The following MACROD2 variants were observed in gnomAD, a reference collection of about 807,000 sequenced individuals.
MACROD2 encodes the protein ADP-ribose glycohydrolase MACROD2.
MACROD2 carries 36 observed loss-of-function variants against 70.4 expected under a neutral mutation model. The observed-to-expected ratio is 0.51, with a 90% CI of 0.39 to 0.68. The LOEUF (loss-of-function observed/expected upper bound fraction) is 0.68, where lower values mean the gene tolerates loss of function less well. MACROD2 is among the 30% of genes least tolerant of loss of function. MACROD2 has a pLI of 0.00. For missense variants in MACROD2, 496 were observed against 538.4 expected, an observed-to-expected ratio of 0.92 and a Z score of 0.78; for synonymous variants, 172 against 178.8, an observed-to-expected ratio of 0.96 and a Z score of 0.30.
In MACROD2 at chr20:14,067,123, G is replaced by GTTTTTTTTTTT. The variant is rs544348706; in HGVS notation, c.164-18489_164-18479dup. ...ACTGCACCTGGCCTGATTTTTTAGT[G>GTTTTTTTTTTT]TTTTTTTTTTTTTTTTTTTGAGACA... On this transcript the variant is annotated intron_variant, in intron 2 of 17. Coordinates refer to ENST00000684519, the MANE Select transcript of MACROD2 (RefSeq NM_001351661.2). Among the ~76,000 whole-genome samples the GTTTTTTTTTTT allele has an allele frequency of 5.9e-5, 5 of 85,044 alleles. 1 individual carries two copies. The highest frequency in any genetic ancestry group is 2.9e-4 in the Admixed American group (2 of 6,822). 55.8% of individuals were successfully genotyped at this position (85,044 alleles called of 152,430 possible).
chr20:14,284,286 G>A (rs2082327933), intron 3 of MACROD2, among the ~76,000 whole-genome samples: 1 of 152,094 alleles, frequency 6.6e-6, no homozygotes, highest in Non-Finnish European at 1.5e-5. Context: ...TGCTAAATTT[G>A]TTTAAAAATA....
At chr20:14,990,574 C>T (rs984333255) in intron 5 of MACROD2, among the ~76,000 whole-genome samples, 27 of 144,900 alleles carry the variant, frequency 1.9e-4, no homozygotes, top group Admixed American at 1.6e-3. Flanking sequence ...AGTGCAATGG[C>T]GCGATCTCGA....
chr20:14,714,709 T>C (rs137995572), intron 5 of MACROD2, among the ~76,000 whole-genome samples: 1 of 152,286 alleles, frequency 6.6e-6, no homozygotes, highest in East Asian at 1.9e-4. Context: ...CCTCATTGTC[T>C]TGTCAACTCC....
intron 15 of MACROD2, among the ~76,000 whole-genome samples, chr20:16,018,019 A>AGT (rs1192121882): frequency 6.6e-6 from 1 of 151,836 alleles, no homozygotes; most frequent in African/African-American, 2.4e-5. Flanking sequence ...GTGGTATTCC[A>AGT]TAGATGTTTG....
intron 15 of MACROD2, among the ~76,000 whole-genome samples, chr20:16,001,606 C>T (rs1474071866): frequency 6.6e-6 from 1 of 151,938 alleles, no homozygotes; most frequent in African/African-American, 2.4e-5. Flanking sequence ...TTAAATTGAA[C>T]CTAATTTTAT....
chr20:15,470,345 A>C (rs1483190426), intron 7 of MACROD2, among the ~76,000 whole-genome samples: 1 of 152,184 alleles, frequency 6.6e-6, no homozygotes, highest in East Asian at 1.9e-4. Context: ...CACTGCGCCC[A>C]GCCCTTTCTG....
intron 6 of MACROD2, among the ~76,000 whole-genome samples, chr20:15,305,049 C>T (rs1030741512): frequency 1.3e-5 from 2 of 152,222 alleles, no homozygotes; most frequent in Admixed American, 1.3e-4. Context: ...GCTATAGCCC[C>T]CACCTACATC....
At chr20:15,776,528 G>A (rs954096925) in intron 8 of MACROD2, among the ~76,000 whole-genome samples, 1 of 152,084 alleles carries the variant, frequency 6.6e-6, no homozygotes, top group Non-Finnish European at 1.5e-5. Flanking sequence ...TCATCTTGAC[G>A]ACACTCCAGA....
chr20:15,467,635 T>C (rs776640921), intron 7 of MACROD2, among the ~76,000 whole-genome samples: 11 of 152,214 alleles, frequency 7.2e-5, no homozygotes, highest in African/African-American at 1.4e-4. Context: ...CCACAGTATA[T>C]GGTCTCTTAG....
intron 4 of MACROD2, among the ~76,000 whole-genome samples, chr20:14,600,178 C>T (rs941084825): frequency 2.6e-5 from 4 of 151,930 alleles, no homozygotes; most frequent in East Asian, 1.9e-4. Flanking sequence ...TGTGACTAAT[C>T]GGATGTCAGT....
At chr20:16,012,106 G>C (rs1055334633) in intron 15 of MACROD2, among the ~76,000 whole-genome samples, 3 of 152,202 alleles carry the variant, frequency 2.0e-5, no homozygotes, top group African/African-American at 7.2e-5. Context: ...TGAGACGCCA[G>C]CTTCTCTGAG....
chr20:14,930,863 T>TAAAA (rs11448674), intron 5 of MACROD2, among the ~76,000 whole-genome samples: 2 of 120,358 alleles, frequency 1.7e-5, no homozygotes, highest in African/African-American at 3.3e-5. Context: ...TTTTTTTAAG[T>TAAAA]AAAAAAAAAA....
intron 3 of MACROD2, among the ~76,000 whole-genome samples, chr20:14,389,219 A>G (rs2083500317): frequency 6.6e-6 from 1 of 151,620 alleles, no homozygotes; most frequent in Admixed American, 6.6e-5. Context: ...TTAAAGAGAT[A>G]GAGACCAGCG....
At chr20:14,927,974 C>A (rs2074253730) in intron 5 of MACROD2, among the ~76,000 whole-genome samples, 1 of 152,222 alleles carries the variant, frequency 6.6e-6, no homozygotes, top group African/African-American at 2.4e-5. Flanking sequence ...CAAGGCATGG[C>A]TGAGTCCTCA....
intron 3 of MACROD2, among the ~76,000 whole-genome samples, chr20:14,434,619 T>G (rs2084035407): frequency 6.6e-6 from 1 of 152,170 alleles, no homozygotes; most frequent in Non-Finnish European, 1.5e-5. Context: ...CAGTTCTTCC[T>G]TCTCCTGAAT....
chr20:16,043,058 A>C (rs1358003862), intron 16 of MACROD2, among the ~76,000 whole-genome samples: 3 of 152,074 alleles, frequency 2.0e-5, no homozygotes, highest in African/African-American at 4.8e-5. Context: ...ACTTATTCAA[A>C]GGTAACTATA....
At chr20:15,112,017 C>A (rs982038528) in intron 5 of MACROD2, among the ~76,000 whole-genome samples, 7 of 152,200 alleles carry the variant, frequency 4.6e-5, no homozygotes, top group African/African-American at 1.7e-4. Flanking sequence ...CCAGAGTTCA[C>A]AGGGCCAGGA....
rs186464393 is a variant in MACROD2 at position 14,173,937 on chromosome 20, G to A, written c.271+88209G>A. Among the ~76,000 whole-genome samples, 10 of 152,274 alleles carry A rather than the reference G, an allele frequency of 6.6e-5. No homozygotes were observed. In the East Asian group the frequency reaches 1.9e-3, roughly 29 times the overall value. ...AGCTACGAGGCTCTGGGCTGGTACT[G>A]GGGAGTGTCTGCACAGTGTCCTGTG... On this transcript the variant is annotated intron_variant, in intron 3 of 17. Coordinates refer to ENST00000684519, the MANE Select transcript of MACROD2 (RefSeq NM_001351661.2).
intron 12 of MACROD2, among the ~76,000 whole-genome samples, chr20:15,956,027 A>G (rs1332438853): frequency 3.9e-5 from 6 of 152,208 alleles, no homozygotes; most frequent in Non-Finnish European, 8.8e-5. Context: ...TTGTATGTGT[A>G]TGAGCTAAGT....
Sources: allele counts gnomAD v4.1 joint callset (sites outside exome capture counted in the v4.1 genomes callset), GRCh38; gene constraint gnomAD v4.1.1; transcripts MANE v1.5; gene names NCBI Gene and HGNC (gene_info 2026-07-23, HGNC 2026-07-21).